KCNB2: variants seen among roughly 807,000 people sequenced by gnomAD.
KCNB2 encodes the protein delayed rectifier potassium channel protein.
Under a neutral mutation model 61.5 loss-of-function variants are expected in KCNB2, and 15 were observed. That is an observed-to-expected ratio of 0.24 (90% confidence interval 0.16 to 0.38). The LOEUF is 0.38. KCNB2 is among the 10% of genes least tolerant of loss of function. The pLI is 1.00. For missense variants in KCNB2, 828 were observed against 1,125.2 expected (o/e 0.74, Z 3.78); for synonymous variants, 457 against 446.0 (o/e 1.02, Z -0.31).
At chr8:72,673,743 C>T (rs1480848201) in intron 2 of KCNB2, among the ~76,000 whole-genome samples, 1 of 152,088 alleles carries the variant, frequency 6.6e-6, no homozygotes. Flanking sequence ...ATAGAATAGA[C>T]AAATTCATTT....
intron 2 of KCNB2, among the ~76,000 whole-genome samples, chr8:72,888,940 TG>T (rs2129005688): frequency 6.6e-6 from 1 of 152,342 alleles, no homozygotes; most frequent in African/African-American, 2.4e-5. Flanking sequence ...TTATGAAATT[TG>T]GGATTCACAA....
At chr8:72,613,868 T>G (rs1392995576) in intron 2 of KCNB2, among the ~76,000 whole-genome samples, 1 of 152,088 alleles carries the variant, frequency 6.6e-6, no homozygotes. Context: ...CGTGAAAGAG[T>G]GAATTTCTTG....
chr8:72,729,972 T>A, intron 2 of KCNB2, among the ~76,000 whole-genome samples: 1 of 152,164 alleles, frequency 6.6e-6, no homozygotes, highest in East Asian at 1.9e-4. Flanking sequence ...AGAATAAACT[T>A]TTAATTTGGT....
chr8:72,546,281 C>T (rs771354000), intron 1 of KCNB2, among the ~76,000 whole-genome samples: 8 of 151,916 alleles, frequency 5.3e-5, no homozygotes, highest in Non-Finnish European at 7.4e-5. Context: ...TTTGGGAGGC[C>T]GAGGCAGGTG....
chr8:72,771,045 C>A (rs1298689871), intron 2 of KCNB2, among the ~76,000 whole-genome samples: 1 of 152,194 alleles, frequency 6.6e-6, no homozygotes. Flanking sequence ...AAGCTCCCAG[C>A]TATTGGCTAA....
chr8:72,666,209 C>A (rs886548252), intron 2 of KCNB2, among the ~76,000 whole-genome samples: 1 of 152,160 alleles, frequency 6.6e-6, no homozygotes, highest in African/African-American at 2.4e-5. Flanking sequence ...CAATGAGATT[C>A]TTTATGCAGA....
chr8:72,635,489 T>A lies in KCNB2; in HGVS notation c.579+67176T>A, dbSNP rs551453651. Among the ~76,000 whole-genome samples, 14 of 152,268 alleles carry A rather than the reference T, an allele frequency of 9.2e-5. No individual in the cohort carries two copies. The South Asian group carries it at 2.9e-3, about 32-fold the overall frequency. ...AGGCCCCAAAGGAACTCCATGTGAT[T>A]CTGCTGGGGAATATGAAGCCCAGTG... On this transcript the variant is annotated intron_variant, in intron 2 of 2. Transcript: ENST00000523207.
chr8:72,832,926 A>T (rs1809722916), intron 2 of KCNB2, among the ~76,000 whole-genome samples: 1 of 152,218 alleles, frequency 6.6e-6, no homozygotes, highest in African/African-American at 2.4e-5. Context: ...TGCTATATAA[A>T]CATCCTTAGG....
At position 72,740,482 on chromosome 8, in the gene KCNB2, T is replaced by G. The variant is rs2128994472; in HGVS notation, c.579+172169T>G. On this transcript the variant is annotated intron_variant, in intron 2 of 2. Coordinates refer to ENST00000523207, the MANE Select transcript of KCNB2 (RefSeq NM_004770.3). ...GAATATGGCAGAGGAAGATACCCTA[T>G]TAAGCCATAGTAGTCATTCATATCT... Among the ~76,000 whole-genome samples the G allele has an allele frequency of 2.6e-5, 4 of 152,304 alleles. No individual in the cohort carries two copies. The Middle Eastern group carries it at 0.01, about 389-fold the overall frequency.
At chr8:72,804,434 C>T (rs1809183937) in intron 2 of KCNB2, among the ~76,000 whole-genome samples, 1 of 151,990 alleles carries the variant, frequency 6.6e-6, no homozygotes, top group African/African-American at 2.4e-5. Flanking sequence ...GAAATAGGAT[C>T]ACAATGGGGA....
rs1466240443 is a variant in KCNB2 at position 72,561,732 on chromosome 8, T to C, written c.-93-5910T>C. Among the ~76,000 whole-genome samples the C allele has an allele frequency of 4.8e-4, 8 of 16,714 alleles. 2 individuals carry two copies. The African/African-American group carries it at 5.1e-3, about 11-fold the overall frequency. The allele number at this position is 16,714 out of a possible 152,430, so 11.0% of individuals were successfully genotyped here. ...ATATATATATATATATATATATCTA[T>C]ATCTATATATATATGTATATATATA... On this transcript the variant is annotated intron_variant, in intron 1 of 2. Coordinates refer to ENST00000523207, the MANE Select transcript of KCNB2 (RefSeq NM_004770.3).
chr8:72,783,055 T>C (rs970008550), intron 2 of KCNB2, among the ~76,000 whole-genome samples: 60 of 152,304 alleles, frequency 3.9e-4, no homozygotes, highest in African/African-American at 1.3e-3. Context: ...CTACTCTACA[T>C]TATAGATACA....
intron 2 of KCNB2, among the ~76,000 whole-genome samples, chr8:72,851,840 A>AAAAAC: frequency 7.4e-6 from 1 of 134,538 alleles, no homozygotes; most frequent in African/African-American, 3.0e-5. Flanking sequence ...AAAAAAAAAA[A>AAAAAC]AAAAAAAACA....
chr8:72,680,097 C>G (rs117976551), intron 2 of KCNB2, among the ~76,000 whole-genome samples: 2,685 of 152,252 alleles, frequency 0.018, 28 homozygotes, highest in Non-Finnish European at 0.027. Flanking sequence ...TATTGAATAC[C>G]TAATAAGATT....
chr8:72,606,794 G>T (rs1165664480), intron 2 of KCNB2, among the ~76,000 whole-genome samples: 8 of 152,324 alleles, frequency 5.3e-5, no homozygotes, highest in Non-Finnish European at 8.8e-5. Context: ...AGGAGATGAG[G>T]TCTGCTTGCT....
intron 2 of KCNB2, among the ~76,000 whole-genome samples, chr8:72,891,126 C>T (rs558915329): frequency 2.6e-5 from 4 of 152,264 alleles, no homozygotes; most frequent in South Asian, 4.1e-4. Context: ...TTTCTGAAAA[C>T]GATTGAGATG....
chr8:72,847,382 GA>G (rs1330075433), intron 2 of KCNB2, among the ~76,000 whole-genome samples: 3 of 152,164 alleles, frequency 2.0e-5, no homozygotes, highest in Non-Finnish European at 4.4e-5. Context: ...GGACCTCCCA[GA>G]AGGCCAACCT....
At chr8:72,800,247 C>A (rs1809102549) in intron 2 of KCNB2, among the ~76,000 whole-genome samples, 1 of 152,016 alleles carries the variant, frequency 6.6e-6, no homozygotes, top group African/African-American at 2.4e-5. Flanking sequence ...CTTTAGAAAC[C>A]AAGGTTGGCA....
At chr8:72,798,496 T>G (rs903436555) in intron 2 of KCNB2, among the ~76,000 whole-genome samples, 2 of 152,160 alleles carry the variant, frequency 1.3e-5, no homozygotes, top group Non-Finnish European at 1.5e-5. Context: ...TACTTCTACC[T>G]TCTGCCCTTC....
Sources: allele counts gnomAD v4.1 joint callset (sites outside exome capture counted in the v4.1 genomes callset), GRCh38; gene constraint gnomAD v4.1.1; transcripts MANE v1.5; gene names NCBI Gene and HGNC (gene_info 2026-07-23, HGNC 2026-07-21).